The following ZNF521 variants were observed in gnomAD, a reference collection of about 807,000 sequenced individuals.
ZNF521 encodes LYST-interacting protein 3.
ZNF521 carries 14 observed loss-of-function variants against 105.5 expected under a neutral mutation model. That is an observed-to-expected ratio of 0.13 (90% CI 0.09 to 0.21). The LOEUF is 0.21. ZNF521 is among the 10% of genes least tolerant of loss of function. ZNF521 has a pLI of 1.00. For missense variants in ZNF521, 1,233 were observed against 1,629.7 expected (o/e 0.76, Z 4.19); for synonymous variants, 635 against 606.0 (o/e 1.05, Z -0.70).
chr18:25,183,083 G>A (rs1276224977), intron 5 of ZNF521, among the ~76,000 whole-genome samples: 1 of 151,986 alleles, frequency 6.6e-6, no homozygotes, highest in Non-Finnish European at 1.5e-5. Flanking sequence ...GATCCATTAT[G>A]CATTATCCAT....
At chr18:25,158,563 A>T (rs2035190962) in intron 5 of ZNF521, among the ~76,000 whole-genome samples, 2 of 152,212 alleles carry the variant, frequency 1.3e-5, no homozygotes, top group Admixed American at 1.3e-4. Context: ...TATCCATGAA[A>T]CCACGAAAGC....
chr18:25,181,099 C>T (rs1486588466), intron 5 of ZNF521, among the ~76,000 whole-genome samples: 1 of 152,198 alleles, frequency 6.6e-6, no homozygotes, highest in Non-Finnish European at 1.5e-5. Flanking sequence ...GCACCCACGG[C>T]AGTGATCCCT....
At chr18:25,121,495 C>A (rs958910242) in intron 5 of ZNF521, among the ~76,000 whole-genome samples, 3 of 152,022 alleles carry the variant, frequency 2.0e-5, no homozygotes, top group Non-Finnish European at 2.9e-5. Flanking sequence ...TTGCGATCTG[C>A]CCTCCTTGGC....
At chr18:25,252,696 C>A (rs1403521568) in intron 3 of ZNF521, among the ~76,000 whole-genome samples, 2 of 152,064 alleles carry the variant, frequency 1.3e-5, no homozygotes, top group Non-Finnish European at 2.9e-5. Context: ...TTATTCTCAT[C>A]TCATAGTAAA....
chr18:25,075,327 C>T (rs2033334321), intron 7 of ZNF521, among the ~76,000 whole-genome samples: 1 of 152,206 alleles, frequency 6.6e-6, no homozygotes, highest in Non-Finnish European at 1.5e-5. Context: ...AGGAGCTGGA[C>T]AAGAGGAAGA....
chr18:25,349,122 GC>G lies in ZNF521; in HGVS notation c.40+1784del, dbSNP rs566078218. 5.9e-5 allele frequency among the ~76,000 whole-genome samples: 9 copies of G among 152,040 alleles called. No individual in the cohort carries two copies. In the South Asian group the frequency reaches 1.9e-3, roughly 32 times the overall value. On this transcript the variant is annotated intron_variant, in intron 2 of 7. Coordinates refer to ENST00000361524, the MANE Select transcript of ZNF521 (RefSeq NM_015461.3). ...CACGGGGTTTCAGAAGCTTCTTGGA[GC>G]CCTTTCCACCGGACAGGCACTAACC... is the stretch of plus-strand genomic sequence containing the variant.
chr18:25,062,769 A>AAAAAAAAAAAAAAAAAAAAAAAAG, intron 7 of ZNF521, 28 bp from the exon 8 acceptor site: 1 of 1,488,134 alleles, frequency 6.7e-7, no homozygotes, highest in Non-Finnish European at 9.0e-7. Context: ...AAAAAAAAAA[A>AAAAAAAAAAAAAAAAAAAAAAAAG]AAAAAAAAAA....
At chr18:25,215,805 G>C (rs532270069) in intron 4 of ZNF521, among the ~76,000 whole-genome samples, 1 of 152,234 alleles carries the variant, frequency 6.6e-6, no homozygotes, top group East Asian at 1.9e-4. Flanking sequence ...AGAAAGCGTG[G>C]ATGCAAGGCA....
chr18:25,170,857 T>C (rs12604465), intron 5 of ZNF521, among the ~76,000 whole-genome samples: 1 of 152,086 alleles, frequency 6.6e-6, no homozygotes, highest in Non-Finnish European at 1.5e-5. Flanking sequence ...ATTTTGGCAT[T>C]TGCATTTATG....
intron 4 of ZNF521, among the ~76,000 whole-genome samples, chr18:25,206,991 T>C (rs995708516): frequency 1.3e-5 from 2 of 152,318 alleles, no homozygotes; most frequent in Admixed American, 6.5e-5. Flanking sequence ...GTGGTAGGGT[T>C]CTTTTAACCC....
At chr18:25,224,071 G>A (rs114607881) in intron 4 of ZNF521, 47 of 385,156 alleles carry the variant, frequency 1.2e-4, no homozygotes, top group African/African-American at 8.7e-4. Flanking sequence ...TCTCAGTAGT[G>A]TTGGCATGAG....
intron 3 of ZNF521, among the ~76,000 whole-genome samples, chr18:25,318,958 A>C (rs922198949): frequency 3.3e-5 from 5 of 151,884 alleles, no homozygotes; most frequent in African/African-American, 1.2e-4. Context: ...AAAAGAAAAA[A>C]AAAAAAGAAA....
At chr18:25,135,279 C>T (rs1019283731) in intron 5 of ZNF521, among the ~76,000 whole-genome samples, 8 of 146,112 alleles carry the variant, frequency 5.5e-5, no homozygotes, top group African/African-American at 1.0e-4. Flanking sequence ...TATATGTATA[C>T]GTGTGTGTGT....
chr18:25,071,096 T>A (rs368473225), intron 7 of ZNF521, among the ~76,000 whole-genome samples: 1 of 152,226 alleles, frequency 6.6e-6, no homozygotes, highest in Non-Finnish European at 1.5e-5. Flanking sequence ...GAGCTTGCTA[T>A]ACCATGCTTG....
At position 25,168,256 on chromosome 18, in the gene ZNF521, G is replaced by C. The variant is rs181284363; in HGVS notation, c.3658+26904C>G. On this transcript the variant is annotated intron_variant, in intron 5 of 7. Transcript: ENST00000361524. ...GCTGAGTGTCTGCTGTGGGGATAGCGGCTCCTGAAAGCCCCAGCTGGTACT... is the reference window on the plus strand; with the variant it reads ...GCTGAGTGTCTGCTGTGGGGATAGCCGCTCCTGAAAGCCCCAGCTGGTACT... Among the ~76,000 whole-genome samples the C allele has an allele frequency of 8.7e-4, 132 of 152,222 alleles. 1 individual carries two copies. Among genetic ancestry groups the C allele is most frequent in the Non-Finnish European group, 1.5e-5 (1 of 68,010 alleles).
Position 25,329,009 on chromosome 18 carries a change from A to G in ZNF521, c.41-6822T>C, listed in dbSNP as rs1257481611. Among the ~76,000 whole-genome samples the G allele has an allele frequency of 3.3e-5, 5 of 152,230 alleles. No homozygotes were observed. In the East Asian group the frequency reaches 9.6e-4, roughly 29 times the overall value. On this transcript the variant is annotated intron_variant, in intron 2 of 7. Coordinates refer to ENST00000361524, the MANE Select transcript of ZNF521 (RefSeq NM_015461.3). ...CTACCTTAAAGTCATTTAACTTCAC[A>G]ATGAATTTCTATGGCTGCCTTGTCA... is the stretch of plus-strand genomic sequence containing the variant.
chr18:25,137,328 C>A (rs1567977919), intron 5 of ZNF521, among the ~76,000 whole-genome samples: 1 of 152,138 alleles, frequency 6.6e-6, no homozygotes, highest in Non-Finnish European at 1.5e-5. Flanking sequence ...TCAAACCCTG[C>A]CCCACAGTAT....
chr18:25,305,500 C>T (rs921789960), intron 3 of ZNF521, among the ~76,000 whole-genome samples: 3 of 151,998 alleles, frequency 2.0e-5, no homozygotes, highest in Admixed American at 6.6e-5. Flanking sequence ...TAGAATAAAA[C>T]GTTAATTTTA....
chr18:25,082,571 C>T (rs2033519313), intron 7 of ZNF521: 1 of 447,126 alleles, frequency 2.2e-6, no homozygotes, highest in Non-Finnish European at 4.5e-6. Context: ...TGTGATGGCT[C>T]ACGCCTGTAA....
Sources: gnomAD v4.1 joint callset for allele counts (sites outside exome capture counted in the v4.1 genomes callset) on GRCh38, gnomAD v4.1.1 for gene constraint, MANE v1.5 for transcripts, NCBI Gene and HGNC (gene_info 2026-07-23, HGNC 2026-07-21) for gene names.